Variants in LTBP1 observed in about 807,000 individuals in gnomAD.
LTBP1 encodes the protein latent-transforming growth factor beta-binding protein 1.
In LTBP1, 129 loss-of-function variants were observed where a neutral mutation model predicts 207.6. That is an observed-to-expected ratio of 0.62 (90% CI 0.54 to 0.72). LTBP1 has a LOEUF of 0.72. Ranked by LOEUF, LTBP1 falls within the 30% of genes least tolerant of loss-of-function variation. The pLI is 0.00. For synonymous variants in LTBP1, 963 were observed against 833.7 expected (o/e 1.16, Z -2.67); for missense variants, 2,281 against 2,217.2 (o/e 1.03, Z -0.58).
chr2:32,978,816 C>T (rs1255962120), intron 2 of LTBP1, among the ~76,000 whole-genome samples: 1 of 151,886 alleles, frequency 6.6e-6, no homozygotes, highest in Non-Finnish European at 1.5e-5. Flanking sequence ...TGGTAAAATT[C>T]AGCAGTGAAG....
chr2:33,398,823 A>G lies in LTBP1; in HGVS notation c.*278A>G, dbSNP rs943788200. 8.3e-6 allele frequency: 2 copies of G among 242,114 alleles called. No homozygotes were observed. Among genetic ancestry groups the G allele is most frequent in the East Asian group, 7.6e-5 (1 of 13,078 alleles). 15.0% of individuals were successfully genotyped at this position (242,114 alleles called of 1,614,324 possible). On this transcript the variant is annotated 3_prime_UTR_variant, in exon 34 of 34. Transcript: ENST00000404816. The stretch of plus-strand genomic sequence containing the variant: ...GAACAGTGCTGTTATTTTAAACAGA[A>G]GGTTGTATTATTATGTTGTTTTGTT...
chr2:33,298,257 A>T (rs1277993169), intron 20 of LTBP1, among the ~76,000 whole-genome samples: 5 of 152,246 alleles, frequency 3.3e-5, no homozygotes, highest in Admixed American at 6.5e-5. Context: ...CTTGTGCAAG[A>T]TAACTGTGTT....
chr2:32,991,379 T>C (rs919439465), intron 2 of LTBP1, among the ~76,000 whole-genome samples: 2 of 152,242 alleles, frequency 1.3e-5, no homozygotes, highest in East Asian at 1.9e-4. Context: ...TCTTGAAATA[T>C]AGTTGTTTAA....
At chr2:33,091,520 C>G (rs1190042901) in intron 3 of LTBP1, among the ~76,000 whole-genome samples, 1 of 152,144 alleles carries the variant, frequency 6.6e-6, no homozygotes, top group Non-Finnish European at 1.5e-5. Context: ...CTTCACTATT[C>G]TCTGTTCTCT....
chr2:33,073,515 A>G (rs924787152), intron 3 of LTBP1, among the ~76,000 whole-genome samples: 3 of 152,030 alleles, frequency 2.0e-5, no homozygotes, highest in South Asian at 2.1e-4. Flanking sequence ...CCTATCATAC[A>G]TTTATTTTTC....
chr2:33,233,531 C>T (rs2091898987), intron 9 of LTBP1, among the ~76,000 whole-genome samples: 1 of 152,070 alleles, frequency 6.6e-6, no homozygotes, highest in Non-Finnish European at 1.5e-5. Flanking sequence ...CAATTAGTTT[C>T]TTAGCAAACA....
chr2:33,339,715 G>A (rs1030204950), intron 24 of LTBP1, among the ~76,000 whole-genome samples: 4 of 150,306 alleles, frequency 2.7e-5, no homozygotes, highest in African/African-American at 7.4e-5. Context: ...GTGTGATCTC[G>A]GCCCACTGCA....
At chr2:33,234,925 A>T (rs1055922228) in intron 9 of LTBP1, among the ~76,000 whole-genome samples, 5 of 152,130 alleles carry the variant, frequency 3.3e-5, no homozygotes, top group Admixed American at 6.6e-5. Flanking sequence ...ACTTAAATGT[A>T]AGACCTAAAA....
At chr2:33,371,857 A>C (rs758781235) in intron 31 of LTBP1, among the ~76,000 whole-genome samples, 36 of 152,234 alleles carry the variant, frequency 2.4e-4, no homozygotes, top group Non-Finnish European at 5.3e-4. Flanking sequence ...TAAACAACTC[A>C]TAAGTTTTAA....
chr2:33,396,332 T>C (rs1206555919), intron 32 of LTBP1, among the ~76,000 whole-genome samples: 1 of 152,170 alleles, frequency 6.6e-6, no homozygotes, highest in Admixed American at 6.6e-5. Context: ...GCGATTCTTC[T>C]GCCTCAGCCT....
intron 2 of LTBP1, among the ~76,000 whole-genome samples, chr2:33,014,019 G>A (rs1248857420): frequency 1.3e-5 from 2 of 152,156 alleles, no homozygotes; most frequent in Non-Finnish European, 2.9e-5. Context: ...TAGGAAAATA[G>A]GGTGGAAAGA....
intron 3 of LTBP1, among the ~76,000 whole-genome samples, chr2:33,030,362 C>G (rs988699757): frequency 6.6e-6 from 1 of 152,196 alleles, no homozygotes. Context: ...TTTTCCCCTG[C>G]CCCATTTATG....
chr2:33,326,819 T>G (rs2094434567), intron 24 of LTBP1, among the ~76,000 whole-genome samples: 1 of 152,084 alleles, frequency 6.6e-6, no homozygotes, highest in East Asian at 1.9e-4. Context: ...CCACCACACC[T>G]GGCTAACTTT....
At chr2:33,078,593 C>T (rs1203268130) in intron 3 of LTBP1, among the ~76,000 whole-genome samples, 3 of 152,054 alleles carry the variant, frequency 2.0e-5, no homozygotes, top group Non-Finnish European at 4.4e-5. Context: ...ATGTTTAATT[C>T]AAATAAGAAG....
chr2:33,171,572 GAAA>G (rs2085460081), intron 5 of LTBP1, among the ~76,000 whole-genome samples: 1 of 150,912 alleles, frequency 6.6e-6, no homozygotes, highest in Non-Finnish European at 1.5e-5. Flanking sequence ...AACCAAGTTG[GAAA>G]ACACTCTGCA....
At chr2:33,084,912 C>A (rs2078662069) in intron 3 of LTBP1, among the ~76,000 whole-genome samples, 1 of 152,122 alleles carries the variant, frequency 6.6e-6, no homozygotes, top group Non-Finnish European at 1.5e-5. Flanking sequence ...TGAATGATAA[C>A]CCTCATCCCC....
chr2:33,064,391 G>T (rs1210619168), intron 3 of LTBP1, among the ~76,000 whole-genome samples: 1 of 152,168 alleles, frequency 6.6e-6, no homozygotes, highest in African/African-American at 2.4e-5. Flanking sequence ...CATGGATGCT[G>T]ACAGAAGACA....
chr2:33,188,314 G>T (rs1012843531), intron 6 of LTBP1, among the ~76,000 whole-genome samples: 1 of 151,432 alleles, frequency 6.6e-6, no homozygotes, highest in African/African-American at 2.4e-5. Flanking sequence ...CCAGGTACTC[G>T]GGAGGCTGAG....
intron 5 of LTBP1, among the ~76,000 whole-genome samples, chr2:33,146,846 C>T (rs2083089612): frequency 6.6e-6 from 1 of 152,206 alleles, no homozygotes; most frequent in African/African-American, 2.4e-5. Flanking sequence ...CACCTCCCAC[C>T]AGGCCCCTCC....
Sources: gnomAD v4.1 joint callset for allele counts (sites outside exome capture counted in the v4.1 genomes callset) on GRCh38, gnomAD v4.1.1 for gene constraint, MANE v1.5 for transcripts, NCBI Gene and HGNC (gene_info 2026-07-23, HGNC 2026-07-21) for gene names.